The following ANGPT1 variants were observed in gnomAD, a reference collection of about 807,000 sequenced individuals.
The protein encoded by ANGPT1 is angiopoietin 1.
A neutral mutation model predicts 62.2 loss-of-function variants in ANGPT1; 17 were observed. The ratio of observed to expected loss-of-function variants is 0.27; its 90% CI spans 0.19 to 0.41. The LOEUF (loss-of-function observed/expected upper bound fraction) is 0.41. Ranked by LOEUF, ANGPT1 falls within the 10% of genes least tolerant of loss-of-function variation. ANGPT1 has a pLI of 1.00. For missense variants in ANGPT1, 478 were observed against 594.9 expected (o/e 0.80, Z 2.04); for synonymous variants, 199 against 198.9 (o/e 1.00, Z 0.00).
intron 1 of ANGPT1, among the ~76,000 whole-genome samples, chr8:107,360,177 C>T (rs764534164): frequency 2.0e-4 from 31 of 152,234 alleles, no homozygotes; most frequent in Admixed American, 2.0e-4. Context: ...CCAAAACAGC[C>T]GCAAGTAGGT....
chr8:107,314,135 T>C (rs574207472), intron 4 of ANGPT1, among the ~76,000 whole-genome samples: 1 of 152,328 alleles, frequency 6.6e-6, no homozygotes, highest in South Asian at 2.1e-4. Context: ...TGAAAGTCTA[T>C]TCAAACTATC....
At chr8:107,262,481 G>A (rs1406445149) in intron 8 of ANGPT1, among the ~76,000 whole-genome samples, 1 of 152,138 alleles carries the variant, frequency 6.6e-6, no homozygotes, top group Non-Finnish European at 1.5e-5. Flanking sequence ...TTTTCCTCAT[G>A]TACAACATAG....
chr8:107,468,589 G>T (rs1444563715), intron 1 of ANGPT1, among the ~76,000 whole-genome samples: 1 of 151,984 alleles, frequency 6.6e-6, no homozygotes, highest in African/African-American at 2.4e-5. Flanking sequence ...CAAGGTTATA[G>T]AGTATAGTTA....
intron 1 of ANGPT1, among the ~76,000 whole-genome samples, chr8:107,462,925 A>G (rs1812108081): frequency 6.6e-6 from 1 of 152,102 alleles, no homozygotes; most frequent in Non-Finnish European, 1.5e-5. Flanking sequence ...TATAAAAGAA[A>G]GTTGACATTT....
intron 1 of ANGPT1, among the ~76,000 whole-genome samples, chr8:107,378,235 A>C (rs1377027274): frequency 6.6e-6 from 1 of 152,170 alleles, no homozygotes; most frequent in Non-Finnish European, 1.5e-5. Flanking sequence ...TGTCATTATG[A>C]TTATTGTTAC....
intron 1 of ANGPT1, among the ~76,000 whole-genome samples, chr8:107,386,423 T>G (rs748959093): frequency 2.6e-5 from 4 of 152,126 alleles, no homozygotes; most frequent in Non-Finnish European, 5.9e-5. Context: ...CACATTTATT[T>G]ACAAGTACAC....
chr8:107,356,414 T>C (rs1030693), intron 1 of ANGPT1, among the ~76,000 whole-genome samples: 41,232 of 152,142 alleles, frequency 0.27, 6,648 homozygotes, highest in Middle Eastern at 0.37. Context: ...AATGTCCTGC[T>C]TGCCTTCCTG....
At chr8:107,311,511 T>G (rs1563563094) in intron 4 of ANGPT1, among the ~76,000 whole-genome samples, 1 of 152,164 alleles carries the variant, frequency 6.6e-6, no homozygotes, top group Non-Finnish European at 1.5e-5. Context: ...GATATACAAA[T>G]TTTCAATAAT....
At chr8:107,316,778 T>A (rs1815024150) in intron 4 of ANGPT1, among the ~76,000 whole-genome samples, 1 of 152,154 alleles carries the variant, frequency 6.6e-6, no homozygotes, top group South Asian at 2.1e-4. Flanking sequence ...AAAATAAACA[T>A]GCCGTTTGTA....
chr8:107,479,955 T>A (rs1362953728), intron 1 of ANGPT1, among the ~76,000 whole-genome samples: 2 of 152,140 alleles, frequency 1.3e-5, no homozygotes, highest in African/African-American at 4.8e-5. Context: ...TATGTGAAAC[T>A]GAAATAGTTA....
intron 4 of ANGPT1, among the ~76,000 whole-genome samples, chr8:107,303,718 A>C (rs966370444): frequency 6.6e-6 from 1 of 151,876 alleles, no homozygotes; most frequent in Non-Finnish European, 1.5e-5. Flanking sequence ...AGTTTCCTGC[A>C]AAATCTCTAA....
intron 1 of ANGPT1, among the ~76,000 whole-genome samples, chr8:107,483,914 C>G (rs190538175): frequency 1.3e-4 from 20 of 152,300 alleles, no homozygotes; most frequent in Admixed American, 4.6e-4. Context: ...TTATTTGCCT[C>G]TGACATATTT....
chr8:107,457,937 T>A (rs943982696), intron 1 of ANGPT1, among the ~76,000 whole-genome samples: 10 of 151,798 alleles, frequency 6.6e-5, no homozygotes, highest in Admixed American at 6.6e-4. Context: ...AGTGAGTTAG[T>A]AAGCAAACTG....
chr8:107,325,750 C>CT (rs1328373142), intron 3 of ANGPT1, among the ~76,000 whole-genome samples: 2 of 151,394 alleles, frequency 1.3e-5, no homozygotes, highest in South Asian at 2.1e-4. Flanking sequence ...AGACATAATA[C>CT]TTTTTTTTTA....
intron 4 of ANGPT1, among the ~76,000 whole-genome samples, chr8:107,312,088 G>C (rs1297654203): frequency 6.6e-6 from 1 of 151,772 alleles, no homozygotes; most frequent in Non-Finnish European, 1.5e-5. Flanking sequence ...AAAAAGAATG[G>C]GGAAAAATAC....
intron 8 of ANGPT1, among the ~76,000 whole-genome samples, chr8:107,259,662 ATTTG>A (rs1440013233): frequency 2.6e-5 from 4 of 152,130 alleles, no homozygotes; most frequent in East Asian, 3.8e-4. Flanking sequence ...ACGGTAACAT[ATTTG>A]TTTTTGTTGT....
chr8:107,286,207 C>A (rs948573816), intron 6 of ANGPT1, among the ~76,000 whole-genome samples: 19 of 152,080 alleles, frequency 1.2e-4, no homozygotes, highest in African/African-American at 4.6e-4. Flanking sequence ...TGTTTGGTAC[C>A]AAACCCATTT....
intron 1 of ANGPT1, among the ~76,000 whole-genome samples, chr8:107,404,616 G>A (rs1817111690): frequency 1.3e-5 from 2 of 151,892 alleles, no homozygotes; most frequent in African/African-American, 4.8e-5. Flanking sequence ...CATTTAGATT[G>A]TCCCCAGTAC....
intron 1 of ANGPT1, among the ~76,000 whole-genome samples, chr8:107,399,154 G>A (rs114522819): frequency 1.2e-4 from 19 of 152,172 alleles, no homozygotes; most frequent in African/African-American, 4.1e-4. Flanking sequence ...AGGAGAAGAG[G>A]GGGTCAACTT....
Sources: gnomAD v4.1 joint callset for allele counts (sites outside exome capture counted in the v4.1 genomes callset) on GRCh38, gnomAD v4.1.1 for gene constraint, MANE v1.5 for transcripts, NCBI Gene and HGNC (gene_info 2026-07-23, HGNC 2026-07-21) for gene names.